The following UNG variants were observed in gnomAD, a reference collection of about 807,000 sequenced individuals.
UNG encodes the protein uracil DNA glycosylase, also known as uracil-DNA glycosylase.
A neutral mutation model predicts 36.5 loss-of-function variants in UNG; 34 were observed. That is an observed-to-expected ratio of 0.93 (90% CI 0.71 to 1.24). The LOEUF (loss-of-function observed/expected upper bound fraction) is 1.24, where lower values mean the gene tolerates loss of function less well. Among genes scored for constraint, UNG ranks in the 50% most tolerant of loss-of-function variants. The probability of loss-of-function intolerance (pLI) is 0.00; values close to 1 mark genes in which losing one functional copy is unlikely to be tolerated. For missense variants in UNG, 391 were observed against 397.6 expected, an observed-to-expected ratio of 0.98 and a Z score of 0.14; for synonymous variants, 172 against 157.8, an observed-to-expected ratio of 1.09 and a Z score of -0.67.
chr12:109,105,760 T>C (rs2042210956), intron 6 of UNG, among the ~76,000 whole-genome samples: 2 of 152,184 alleles, frequency 1.3e-5, no homozygotes, highest in Non-Finnish European at 2.9e-5. Context: ...GTCATTCATA[T>C]CTGTGTTCTT....
At chr12:109,102,520 AT>A (rs1230572115) in intron 4 of UNG, among the ~76,000 whole-genome samples, 1 of 152,056 alleles carries the variant, frequency 6.6e-6, no homozygotes, top group African/African-American at 2.4e-5. Flanking sequence ...GGTGTATGAT[AT>A]ACATAAATAT....
At chr12:109,103,352 A>C (rs966832725) in intron 5 of UNG, 81 bp from the exon 6 acceptor site, 17 of 1,331,838 alleles carry the variant, frequency 1.3e-5, no homozygotes, top group African/African-American at 7.2e-5. Context: ...CATTGGTTTC[A>C]TCATGGATTT....
At chr12:109,100,039 G>A (rs2135883959) in intron 3 of UNG, among the ~76,000 whole-genome samples, 1 of 152,196 alleles carries the variant, frequency 6.6e-6, no homozygotes, top group Non-Finnish European at 1.5e-5. Context: ...TCCAGCGTGG[G>A]CGACAGAGCC....
At position 109,099,215 on chromosome 12, in the gene UNG, A is replaced by AAAGC; in HGVS notation, c.368_371dup (p.His124GlnfsTer20). ...TAATGGGATTTGTTGCAGAAGAAAG[A>AAAGC]AAGCATTACACTGTTTATCCACCCC... On this transcript the variant is annotated frameshift_variant, in exon 3 of 7. Transcript: ENST00000242576. LOFTEE classifies it high-confidence loss of function. 6.2e-7 allele frequency: 1 copy of AAAGC among 1,613,774 alleles called. No individual in the cohort carries two copies. Among genetic ancestry groups the AAAGC allele is most frequent in the Non-Finnish European group, 8.5e-7 (1 of 1,180,010 alleles).
intron 6 of UNG, among the ~76,000 whole-genome samples, chr12:109,105,784 A>C (rs2042211076): frequency 6.6e-6 from 1 of 151,870 alleles, no homozygotes; most frequent in African/African-American, 2.4e-5. Context: ...TCCCCCTCCA[A>C]ATCTACCCCT....
chr12:109,102,982 C>CAAAA, intron 5 of UNG, 55 bp downstream of exon 5: 2 of 1,241,364 alleles, frequency 1.6e-6, no homozygotes, highest in Non-Finnish European at 2.3e-6. Context: ...GACCGAGTCT[C>CAAAA]ACTCTGTTGC....
intron 6 of UNG, among the ~76,000 whole-genome samples, chr12:109,109,564 C>T (rs1477179169): frequency 2.0e-5 from 3 of 151,568 alleles, no homozygotes; most frequent in Non-Finnish European, 2.9e-5. Context: ...GCGAGCGGAT[C>T]ACGAGGTCAA....
At chr12:109,098,099 AGG>A in intron 1 of UNG, 1 of 1,353,486 alleles carries the variant, frequency 7.4e-7, no homozygotes, top group Non-Finnish European at 9.4e-7. Flanking sequence ...CGGGACCCAG[AGG>A]GAGGTTTTTT....
At chr12:109,102,091 T>A in intron 4 of UNG, 92 bp downstream of exon 4, 2 of 1,134,290 alleles carry the variant, frequency 1.8e-6, no homozygotes, top group East Asian at 4.9e-5. Context: ...TGGGGCACTG[T>A]TCACTAGCCT....
intron 6 of UNG, among the ~76,000 whole-genome samples, chr12:109,107,296 G>A (rs1431734502): frequency 1.3e-5 from 2 of 152,170 alleles, no homozygotes; most frequent in Admixed American, 1.3e-4. Context: ...AACCTCCCAG[G>A]CTCAAGCAAT....
chr12:109,101,384 C>G (rs2042175988), intron 3 of UNG, among the ~76,000 whole-genome samples: 1 of 151,784 alleles, frequency 6.6e-6, no homozygotes, highest in Admixed American at 6.6e-5. Context: ...GCCACCATGC[C>G]AGGCCCTAAA....
Position 109,098,481 on chromosome 12 carries a change from C to CAGGAGGA in UNG, c.182_183insAGGAGGA (p.Pro62GlyfsTer83), listed in dbSNP as rs752532001. ...GCTGGGCAGGAGGAGCCTGGGACGC[C>CAGGAGGA]GCCCTCCTCGCCGCTGAGTGCCGAG... On this transcript the variant is annotated frameshift_variant, in exon 2 of 7. Coordinates refer to ENST00000242576, the MANE Select transcript of UNG (RefSeq NM_080911.3). LOFTEE classifies it high-confidence loss of function. 29 of 1,612,072 alleles carry CAGGAGGA rather than the reference C, an allele frequency of 1.8e-5. No individual in the cohort carries two copies. The highest frequency in any genetic ancestry group is 1.6e-4 in the Middle Eastern group (1 of 6,070).
At chr12:109,098,342 C>T in intron 1 of UNG, 90 bp from the exon 2 acceptor site, 11 of 1,603,910 alleles carry the variant, frequency 6.9e-6, no homozygotes, top group Non-Finnish European at 9.4e-6. Flanking sequence ...CGTCTTCTGC[C>T]TTGGGCCGTG....
chr12:109,099,151 G>A lies in UNG; in HGVS notation c.340-38G>A, dbSNP rs752798729. 4 of 1,565,194 alleles carry A rather than the reference G, an allele frequency of 2.6e-6. No individual in the cohort carries two copies. In the Admixed American group the frequency reaches 5.0e-5, roughly 20 times the overall value. On this transcript the variant is annotated intron_variant, in intron 2 of 6. Transcript: ENST00000242576. ...TTATTGAATTCTTATGGTTTCCAAT[G>A]AGAATCTGATTTTAAGTCTAGTTTA...
At chr12:109,105,643 A>G (rs2042210171) in intron 6 of UNG, among the ~76,000 whole-genome samples, 1 of 152,196 alleles carries the variant, frequency 6.6e-6, no homozygotes. Context: ...CCTAGCAGCA[A>G]AAAGCACCAT....
intron 3 of UNG, 123 bp downstream of exon 3, chr12:109,099,407 A>G: frequency 1.2e-6 from 1 of 856,514 alleles, no homozygotes; most frequent in Non-Finnish European, 1.9e-6. Flanking sequence ...TGAAATCCCG[A>G]GGTTTGGCTG....
chr12:109,105,282 T>A (rs1048463825), intron 6 of UNG: 1 of 152,230 alleles, frequency 6.6e-6, no homozygotes, highest in African/African-American at 2.4e-5. Flanking sequence ...CATACACTTG[T>A]ATGAGTGACC....
At chr12:109,101,523 TA>T (rs1408005737) in intron 3 of UNG, among the ~76,000 whole-genome samples, 1 of 151,602 alleles carries the variant, frequency 6.6e-6, no homozygotes, top group Non-Finnish European at 1.5e-5. Flanking sequence ...CTCAGCAACA[TA>T]AGGGAGGCCG....
At position 109,109,950 on chromosome 12, in the gene UNG, T is replaced by C. The variant is rs2042248755; in HGVS notation, c.923T>C (p.Ile308Thr). The C allele has an allele frequency of 2.5e-6, 4 of 1,614,010 alleles. No homozygotes were observed. The highest frequency in any genetic ancestry group is 3.4e-6 in the Non-Finnish European group (4 of 1,180,030). ...CTGCAGAAGTCTGGCAAGAAGCCCA[T>C]TGACTGGAAGGAGCTGTGATCATCA... Reference protein sequence around the residue: ...ELLQKSGKKPIDWKEL With the variant: ...ELLQKSGKKPTDWKEL The change falls in exon 7 of 7, where the codon ATT becomes ACT. Residue 308 changes from isoleucine (I) to threonine (T), a missense_variant. By Grantham distance (89) the Ile-to-Thr change is moderately conservative (BLOSUM62 -1). Transcript: ENST00000242576.
Sources: gnomAD v4.1 joint callset for allele counts (sites outside exome capture counted in the v4.1 genomes callset) on GRCh38, gnomAD v4.1.1 for gene constraint, MANE v1.5 for transcripts, NCBI Gene and HGNC (gene_info 2026-07-23, HGNC 2026-07-21) for gene names.